Variants in STX16 observed in about 807,000 individuals in gnomAD.
STX16 encodes syntaxin-16.
Under a neutral mutation model 42.7 loss-of-function variants are expected in STX16, and 28 were observed. The observed-to-expected ratio is 0.66, with a 90% CI of 0.49 to 0.90. The LOEUF is 0.90. Among genes scored for constraint, STX16 ranks in the 40% least tolerant of loss-of-function variants. The pLI is 0.00. For synonymous variants in STX16, 156 were observed against 155.2 expected, an observed-to-expected ratio of 1.00 and a Z score of -0.04; for missense variants, 361 against 420.9, an observed-to-expected ratio of 0.86 and a Z score of 1.24.
rs2084182125 is a variant in STX16 at position 58,678,199 on chromosome 20, A to G, written c.*1908A>G. 1 of 152,216 alleles carries G rather than the reference A, an allele frequency of 6.6e-6. No homozygotes were observed. Among genetic ancestry groups the G allele is most frequent in the Non-Finnish European group, 1.5e-5 (1 of 68,042 alleles). The allele number at this position is 152,216 out of a possible 1,614,324, so 9.4% of individuals were successfully genotyped here. A position where few individuals can be genotyped will look rare whatever the true frequency, so the allele number is the denominator to read the frequency against. ...CAGTGGCAATACCGGACTTCTGTTC[A>G]AGCTTTTTAAAGTGCTGAGCCTTAC... On this transcript the variant is annotated 3_prime_UTR_variant, in exon 9 of 9. Transcript: ENST00000371141.
intron 6 of STX16, 98 bp downstream of exon 6, chr20:58,670,701 T>C (rs2083947591): frequency 3.1e-6 from 3 of 955,412 alleles, no homozygotes; most frequent in South Asian, 2.9e-5. Context: ...TGTCAGTGGA[T>C]TGATACAGTT....
Position 58,667,515 on chromosome 20 carries a change from T to G in STX16, c.170T>G (p.Val57Gly). 1 of 1,614,162 alleles carries G rather than the reference T, an allele frequency of 6.2e-7. No homozygotes were observed. The highest frequency in any genetic ancestry group is 1.1e-5 in the South Asian group (1 of 91,084). Residue 57 changes from valine (V) to glycine (G), a missense_variant, in exon 3 of 9, where the codon GTG becomes GGG. Transcript: ENST00000371141. ...CTTGCTGATGACCGTATGGCACTGG[T>G]GTCAGGCATCAGCTTAGATCCAGAA... ...DELADDRMAL[V>G]SGISLDPEAA...
At chr20:58,660,662 G>A (rs549539928) in intron 2 of STX16, among the ~76,000 whole-genome samples, 3 of 150,858 alleles carry the variant, frequency 2.0e-5, no homozygotes, top group East Asian at 2.0e-4. Flanking sequence ...GACACATGGC[G>A]GAGTGGAAAG....
chr20:58,672,747 G>A (rs761537119), intron 7 of STX16, among the ~76,000 whole-genome samples: 15 of 152,174 alleles, frequency 9.9e-5, no homozygotes, highest in Non-Finnish European at 2.1e-4. Flanking sequence ...TGATTCTGAC[G>A]CTATAGAAGA....
intron 8 of STX16, 51 bp downstream of exon 8, chr20:58,673,762 C>T: frequency 7.4e-7 from 1 of 1,351,390 alleles, no homozygotes; most frequent in Non-Finnish European, 1.1e-6. Flanking sequence ...TTCAAATAAT[C>T]AAGAATTGGT....
intron 2 of STX16, among the ~76,000 whole-genome samples, chr20:58,663,877 C>T (rs766866795): frequency 1.2e-4 from 18 of 152,136 alleles, no homozygotes; most frequent in Non-Finnish European, 2.2e-4. Context: ...GGGGTTTCAC[C>T]GTGCTGGCTA....
At chr20:58,668,413 A>G (rs370888301) in intron 4 of STX16, among the ~76,000 whole-genome samples, 1 of 152,276 alleles carries the variant, frequency 6.6e-6, no homozygotes, top group African/African-American at 2.4e-5. Context: ...TTTAAAATGT[A>G]TAACTAATAT....
intron 4 of STX16, 141 bp from the exon 5 acceptor site, chr20:58,669,150 T>G: frequency 1.2e-6 from 1 of 827,924 alleles, no homozygotes; most frequent in Non-Finnish European, 1.8e-6. Context: ...AAGCCACAGA[T>G]TCCTTTTATC....
chr20:58,661,632 C>T (rs976104824), intron 2 of STX16, among the ~76,000 whole-genome samples: 1 of 152,224 alleles, frequency 6.6e-6, no homozygotes, highest in African/African-American at 2.4e-5. Flanking sequence ...ATTTTATTTA[C>T]CTCGTGCATT....
Position 58,669,413 on chromosome 20 carries a change from C to T in STX16, c.516C>T (p.Leu172=), listed in dbSNP as rs1443455506. Residue 172 remains leucine, a synonymous_variant, in exon 5 of 9, where the codon CTC becomes CTT. Coordinates refer to ENST00000371141, the MANE Select transcript of STX16 (RefSeq NM_001001433.3). ...VASLAQALQE[L]STSFRHAQSG... ...CGCTGGCGCAGGCCCTGCAGGAACTCTCCACCAGCTTCCGGCACGCACAGT... is the reference window on the plus strand; with the variant it reads ...CGCTGGCGCAGGCCCTGCAGGAACTTTCCACCAGCTTCCGGCACGCACAGT... 2 of 1,612,124 alleles carry T rather than the reference C, an allele frequency of 1.2e-6. No homozygotes were observed. The highest frequency in any genetic ancestry group is 3.3e-5 in the Admixed American group (2 of 59,704).
chr20:58,668,056 AACAG>A lies in STX16; in HGVS notation c.325_328del (p.Arg109ProfsTer15), dbSNP rs1568823539. On this transcript the variant is annotated frameshift_variant, in exon 4 of 9. Coordinates refer to ENST00000371141, the MANE Select transcript of STX16 (RefSeq NM_001001433.3). LOFTEE classifies it high-confidence loss of function. ...GGCCAGCCTTCATGACAAGCATTTA[AACAG>A]ACCCACCCTGGATGACAGCAGCGAA... is the stretch of plus-strand genomic sequence containing the variant. 1 of 1,614,254 alleles carries A rather than the reference AACAG, an allele frequency of 6.2e-7. No individual in the cohort carries two copies. Among genetic ancestry groups the A allele is most frequent in the Non-Finnish European group, 8.5e-7 (1 of 1,180,050 alleles).
chr20:58,667,555 G>C lies in STX16; in HGVS notation c.210G>C (p.Val70=). 1 of 1,614,202 alleles carries C rather than the reference G, an allele frequency of 6.2e-7. No individual in the cohort carries two copies. Residue 70 remains valine (V), a synonymous_variant, in exon 3 of 9, where the codon GTG becomes GTC. Coordinates refer to ENST00000371141, the MANE Select transcript of STX16 (RefSeq NM_001001433.3). ...ISLDPEAAIG[V]TKRPPPKWVD... The stretch of plus-strand genomic sequence containing the variant: ...TAGATCCAGAAGCAGCGATTGGTGT[G>C]ACAAAACGGCCACCTCCTAAGTGGG...
Position 58,676,271 on chromosome 20 carries a change from G to C in STX16, c.958G>C (p.Val320Leu), listed in dbSNP as rs775032938. 3.2e-5 allele frequency: 51 copies of C among 1,614,154 alleles called. No homozygotes were observed. In the East Asian group the frequency reaches 1.1e-3, roughly 35 times the overall value. Residue 320 changes from valine to leucine, a missense_variant, in exon 9 of 9, where the codon GTT (valine) becomes CTT (leucine). Physicochemically the swap from Val to Leu is conservative, Grantham distance 32. Transcript: ENST00000371141. ...VIIIVLIVVL[V>L]GVKSR ...CATCATTGTGCTCATTGTTGTCCTC[G>C]TTGGCGTGAAGTCTCGATAAGTGGC...
chr20:58,665,699 C>T (rs376719723), intron 2 of STX16, among the ~76,000 whole-genome samples: 7 of 152,138 alleles, frequency 4.6e-5, no homozygotes, highest in Non-Finnish European at 7.3e-5. Flanking sequence ...CCAGACAGTG[C>T]GGGTTTGGAT....
intron 1 of STX16, chr20:58,652,434 T>C (rs1330417595): frequency 2.6e-5 from 12 of 454,680 alleles, no homozygotes; most frequent in Middle Eastern, 6.8e-4. Flanking sequence ...AATTTACATA[T>C]GTTTTAACGC....
chr20:58,670,073 CCT>C (rs1365923993), intron 5 of STX16, among the ~76,000 whole-genome samples: 2 of 152,214 alleles, frequency 1.3e-5, no homozygotes, highest in African/African-American at 4.8e-5. Flanking sequence ...GTTCTCCCTC[CCT>C]CTGACAACTG....
intron 1 of STX16, chr20:58,652,343 T>G: frequency 5.8e-5 from 38 of 652,244 alleles, no homozygotes; most frequent in Admixed American, 6.4e-5. Context: ...GCTCCACCTC[T>G]GCCCGGTCTT....
intron 1 of STX16, among the ~76,000 whole-genome samples, chr20:58,656,559 G>C (rs997440448): frequency 6.6e-6 from 1 of 152,182 alleles, no homozygotes; most frequent in Non-Finnish European, 1.5e-5. Flanking sequence ...GGTTTCCTTC[G>C]ATCTCCGGGA....
chr20:58,657,915 AGAGACCTGAACACCTG>A lies in STX16; in HGVS notation c.133-1706_133-1691del, dbSNP rs1281740797. 1.2e-4 allele frequency among the ~76,000 whole-genome samples: 19 copies of A among 152,186 alleles called. No homozygotes were observed. Among genetic ancestry groups the A allele is most frequent in the African/African-American group, 4.6e-4 (19 of 41,452 alleles). ...AGAGAGGCTGGAGGGTGGGGTGGAAAGAGACCTGAACACCTGGGTCTGTCCCCAGTCTGACCATTAA... is the reference window on the plus strand; with the variant it reads ...AGAGAGGCTGGAGGGTGGGGTGGAAAGGTCTGTCCCCAGTCTGACCATTAA... On this transcript the variant is annotated intron_variant, in intron 1 of 8. Coordinates refer to ENST00000371141, the MANE Select transcript of STX16 (RefSeq NM_001001433.3). This position sits in a 1 kb window ranked among gnomAD's most constrained non-coding sequence, Gnocchi z 4.2.
Sources: gnomAD v4.1 joint callset for allele counts (sites outside exome capture counted in the v4.1 genomes callset) on GRCh38, gnomAD v4.1.1 for gene constraint, Gnocchi (gnomAD v3.1) non-coding constraint, MANE v1.5 for transcripts, NCBI Gene and HGNC (gene_info 2026-07-23, HGNC 2026-07-21) for gene names.